The following FARS2 variants were observed in gnomAD, a reference collection of about 807,000 sequenced individuals.
FARS2 encodes phenylalanyl-tRNA synthetase 2, mitochondrial, also known as phenylalanine--tRNA ligase, mitochondrial.
In FARS2, 40 loss-of-function variants were observed where a neutral mutation model predicts 46.4. The observed-to-expected ratio is 0.86, with a 90% confidence interval of 0.67 to 1.12. The LOEUF (loss-of-function observed/expected upper bound fraction) is 1.12, where lower values mean the gene tolerates loss of function less well. Among genes scored for constraint, FARS2 ranks in the 50% most tolerant of loss-of-function variants. The pLI is 0.00. For missense variants in FARS2, 513 were observed against 567.9 expected, an observed-to-expected ratio of 0.90 and a Z score of 0.98; for synonymous variants, 234 against 214.9, an observed-to-expected ratio of 1.09 and a Z score of -0.78.
intron 1 of FARS2, among the ~76,000 whole-genome samples, chr6:5,286,463 A>G (rs1767117842): frequency 6.6e-6 from 1 of 152,070 alleles, no homozygotes; most frequent in African/African-American, 2.4e-5. Context: ...GGGTTTCTAC[A>G]TGTTGCCCAG....
upstream of FARS2, chr6:5,261,086 G>T: frequency 2.7e-6 from 1 of 377,182 alleles, no homozygotes; most frequent in Non-Finnish European, 3.8e-6. Flanking sequence ...GGCCGCCCGT[G>T]CATCCAGCCA....
intron 4 of FARS2, among the ~76,000 whole-genome samples, chr6:5,487,163 G>A (rs2432806): frequency 0.22 from 32,819 of 152,122 alleles, 4,480 homozygotes; most frequent in Admixed American, 0.36. Context: ...TTGTCTTTCA[G>A]TTTCCACATC....
At chr6:5,309,627 T>C (rs981362443) in intron 1 of FARS2, among the ~76,000 whole-genome samples, 2 of 152,172 alleles carry the variant, frequency 1.3e-5, no homozygotes, top group African/African-American at 4.8e-5. Context: ...AAAATACCTG[T>C]GGATAAATCT....
chr6:5,402,432 G>A (rs1372075696), intron 2 of FARS2, among the ~76,000 whole-genome samples: 2 of 151,598 alleles, frequency 1.3e-5, no homozygotes, highest in South Asian at 2.1e-4. Context: ...CATTAGTTGA[G>A]CTCTTTTGAA....
intron 1 of FARS2, among the ~76,000 whole-genome samples, chr6:5,363,121 T>C (rs1758423367): frequency 6.6e-6 from 1 of 151,760 alleles, no homozygotes; most frequent in Non-Finnish European, 1.5e-5. Flanking sequence ...AGAGATGGGG[T>C]TTCACCGTGT....
chr6:5,513,010 C>T (rs893076041), intron 4 of FARS2, among the ~76,000 whole-genome samples: 1 of 152,086 alleles, frequency 6.6e-6, no homozygotes, highest in Admixed American at 6.5e-5. Flanking sequence ...CTAGACACTC[C>T]AATTGCAGAT....
chr6:5,394,546 T>G (rs1241035401), intron 2 of FARS2, among the ~76,000 whole-genome samples: 1 of 152,200 alleles, frequency 6.6e-6, no homozygotes, highest in Non-Finnish European at 1.5e-5. Context: ...TGCTTGTGTG[T>G]GTACATATAT....
At chr6:5,657,786 T>A (rs186328517) in intron 6 of FARS2, among the ~76,000 whole-genome samples, 1 of 152,324 alleles carries the variant, frequency 6.6e-6, no homozygotes, top group East Asian at 1.9e-4. Flanking sequence ...CTTTCCGTTA[T>A]GGTCAGTAGT....
intron 3 of FARS2, among the ~76,000 whole-genome samples, chr6:5,407,692 T>A (rs1167633874): frequency 6.6e-6 from 1 of 152,164 alleles, no homozygotes; most frequent in Non-Finnish European, 1.5e-5. Flanking sequence ...CTATTTTCTC[T>A]TCCTGTCTCT....
At chr6:5,324,262 G>C (rs891289192) in intron 1 of FARS2, among the ~76,000 whole-genome samples, 3 of 152,034 alleles carry the variant, frequency 2.0e-5, no homozygotes, top group Non-Finnish European at 4.4e-5. Flanking sequence ...ATTTAGAAGA[G>C]AGAGAATCAT....
intron 5 of FARS2, among the ~76,000 whole-genome samples, chr6:5,548,229 A>T (rs1293535539): frequency 3.9e-5 from 6 of 152,200 alleles, no homozygotes; most frequent in Non-Finnish European, 8.8e-5. Flanking sequence ...TCTGGGAGAT[A>T]CAATTGAAGT....
At chr6:5,416,443 T>C (rs1762244123) in intron 3 of FARS2, among the ~76,000 whole-genome samples, 1 of 152,248 alleles carries the variant, frequency 6.6e-6, no homozygotes, top group Non-Finnish European at 1.5e-5. Flanking sequence ...CAATTAACCA[T>C]GTATGTCTGG....
intron 2 of FARS2, among the ~76,000 whole-genome samples, chr6:5,386,373 C>G (rs1760135223): frequency 6.6e-6 from 1 of 152,096 alleles, no homozygotes; most frequent in Admixed American, 6.5e-5. Context: ...TGCTATGTAA[C>G]TTTTATAATT....
At chr6:5,671,884 A>G (rs1778485107) in intron 6 of FARS2, among the ~76,000 whole-genome samples, 1 of 152,204 alleles carries the variant, frequency 6.6e-6, no homozygotes, top group African/African-American at 2.4e-5. Context: ...AAATCACTGT[A>G]GGGGGACTGT....
chr6:5,373,924 C>A (rs1411662520), intron 2 of FARS2, among the ~76,000 whole-genome samples: 2 of 121,748 alleles, frequency 1.6e-5, no homozygotes, highest in Admixed American at 7.8e-5. Context: ...GAAAAAAAAA[C>A]CATGACATTT....
intron 6 of FARS2, among the ~76,000 whole-genome samples, chr6:5,658,534 C>T (rs1777707507): frequency 6.6e-6 from 1 of 152,202 alleles, no homozygotes; most frequent in Non-Finnish European, 1.5e-5. Flanking sequence ...ACCCTAACTA[C>T]ATAAACTACA....
At chr6:5,260,979 GGA>G (rs1561912333), upstream of FARS2, 18 of 1,201,044 alleles carry the variant, frequency 1.5e-5, no homozygotes, top group Non-Finnish European at 1.8e-5. Context: ...GTGCTGGGAG[GGA>G]GATGCCTCCG....
intron 6 of FARS2, among the ~76,000 whole-genome samples, chr6:5,714,113 G>C (rs1431308984): frequency 1.3e-5 from 2 of 152,198 alleles, no homozygotes; most frequent in African/African-American, 2.4e-5. Context: ...TTTGCTTTCA[G>C]AGTGCCATTT....
intron 1 of FARS2, among the ~76,000 whole-genome samples, chr6:5,297,446 G>A (rs1413374710): frequency 2.0e-5 from 3 of 152,194 alleles, no homozygotes; most frequent in Non-Finnish European, 4.4e-5. Context: ...TCAGGAGTTC[G>A]AAACCAGCCT....
Sources: gnomAD v4.1 joint callset for allele counts (sites outside exome capture counted in the v4.1 genomes callset) on GRCh38, gnomAD v4.1.1 for gene constraint, MANE v1.5 for transcripts, NCBI Gene and HGNC (gene_info 2026-07-23, HGNC 2026-07-21) for gene names.